Variants in NBL1 observed in about 807,000 individuals in gnomAD.
NBL1 encodes the protein NBL1, DAN family BMP antagonist, also known as neuroblastoma suppressor of tumorigenicity 1.
A neutral mutation model predicts 16.0 loss-of-function variants in NBL1; 9 were observed. That is an observed-to-expected ratio of 0.56 (90% confidence interval 0.34 to 0.98). The LOEUF is 0.98. NBL1 is among the 50% of genes least tolerant of loss of function. The pLI is 0.02. For missense variants in NBL1, 196 were observed against 243.1 expected (o/e 0.81, Z 1.29); for synonymous variants, 86 against 100.7 (o/e 0.85, Z 0.87).
intron 1 of NBL1, among the ~76,000 whole-genome samples, chr1:19,650,143 G>A (rs555043458): frequency 6.6e-6 from 1 of 152,242 alleles, no homozygotes; most frequent in South Asian, 2.1e-4. Context: ...GTCACATGTG[G>A]TCCAGATTTG....
In NBL1 at chr1:19,657,377, G is replaced by GGA. The variant is rs1464602634; in HGVS notation, c.*249_*250insAG. ...TCTTCAGGGCTCTTTTTTTGGGGGG[G>GGA]GTGGTCTCTTCCTGTCTGGCTTCTA... On this transcript the variant is annotated 3_prime_UTR_variant, in exon 4 of 4. Transcript: ENST00000375136. 1 of 265,570 alleles carries GGA rather than the reference G, an allele frequency of 3.8e-6. No homozygotes were observed. The highest frequency in any genetic ancestry group is 7.1e-6 in the Non-Finnish European group (1 of 141,380). The allele number at this position is 265,570 out of a possible 1,614,324, so 16.5% of individuals were successfully genotyped here. A position where few individuals can be genotyped will look rare whatever the true frequency, so the allele number is the denominator to read the frequency against.
Position 19,655,207 on chromosome 1 carries a change from C to T in NBL1, c.170+7C>T. On this transcript the variant is annotated splice_region_variant and intron_variant, in intron 2 of 3. Transcript: ENST00000375136. ...CCAAGTCCATCCAGAACAGGTGGGA[C>T]CCAAGGGGTGGGTGGGGGGATGCGG... 1 of 1,604,694 alleles carries T rather than the reference C, an allele frequency of 6.2e-7. No individual in the cohort carries two copies. Among genetic ancestry groups the T allele is most frequent in the Non-Finnish European group, 8.5e-7 (1 of 1,175,054 alleles).
At chr1:19,646,902 C>A (rs1388139905) in intron 1 of NBL1, among the ~76,000 whole-genome samples, 1 of 152,224 alleles carries the variant, frequency 6.6e-6, no homozygotes, top group African/African-American at 2.4e-5. Flanking sequence ...TCCAGTTTCA[C>A]TGGGGCAGAT....
Position 19,644,326 on chromosome 1 carries a change from C to A in NBL1, c.-140C>A, listed in dbSNP as rs2094964302. 1.0e-6 allele frequency: 1 copy of A among 979,182 alleles called. No homozygotes were observed. The highest frequency in any genetic ancestry group is 1.8e-5 in the African/African-American group (1 of 56,586). 60.7% of individuals were successfully genotyped at this position (979,182 alleles called of 1,614,324 possible). ...GCCCGGGGCCGCAGACAGCGCGCAG[C>A]GCAGCCCAGCCGAGCGTCGCGGGGC... is the stretch of plus-strand genomic sequence containing the variant. On this transcript the variant is annotated 5_prime_UTR_variant, in exon 1 of 4. Transcript: ENST00000375136. This position sits in a 1 kb window ranked among gnomAD's most constrained non-coding sequence, Gnocchi z 4.6.
At chr1:19,647,352 A>G (rs1452695204) in intron 1 of NBL1, among the ~76,000 whole-genome samples, 1 of 152,176 alleles carries the variant, frequency 6.6e-6, no homozygotes, top group African/African-American at 2.4e-5. Flanking sequence ...CTTGAGCCCC[A>G]GAGTTTGAGG....
At chr1:19,644,049 G>C (rs2094962179), upstream of NBL1, 1 of 979,748 alleles carries the variant, frequency 1.0e-6, no homozygotes, top group Admixed American at 6.2e-5. This position sits in a 1 kb window ranked among gnomAD's most constrained non-coding sequence, Gnocchi z 4.6. Context: ...CCTGCCTCTC[G>C]GGCGCCGGCC....
chr1:19,645,836 G>A (rs79540600), intron 1 of NBL1: 118,965 of 1,488,500 alleles, frequency 0.08, 5,240 homozygotes, highest in Non-Finnish European at 0.086. Flanking sequence ...TTATTTTAAA[G>A]TGAAATTTCA....
At position 19,655,204 on chromosome 1, in the gene NBL1, G is replaced by A; in HGVS notation, c.170+4G>A. The A allele has an allele frequency of 6.2e-7, 1 of 1,604,832 alleles. No individual in the cohort carries two copies. The highest frequency in any genetic ancestry group is 8.5e-7 in the Non-Finnish European group (1 of 1,175,080). ...AGGCCAAGTCCATCCAGAACAGGTGGGACCCAAGGGGTGGGTGGGGGGATG... is the reference window on the plus strand; with the variant it reads ...AGGCCAAGTCCATCCAGAACAGGTGAGACCCAAGGGGTGGGTGGGGGGATG... On this transcript the variant is annotated splice_donor_region_variant and intron_variant, in intron 2 of 3. Coordinates refer to ENST00000375136, the MANE Select transcript of NBL1 (RefSeq NM_005380.8).
intron 1 of NBL1, among the ~76,000 whole-genome samples, chr1:19,651,832 T>G (rs2095027357): frequency 6.6e-6 from 1 of 152,186 alleles, no homozygotes; most frequent in Admixed American, 6.5e-5. Context: ...ATAGCTGGAC[T>G]ACAGGTGCAC....
chr1:19,655,324 G>C lies in NBL1; in HGVS notation c.171G>C (p.Arg57Ser). The C allele has an allele frequency of 6.2e-6, 10 of 1,613,950 alleles. No individual in the cohort carries two copies. Among genetic ancestry groups the C allele is most frequent in the Non-Finnish European group, 8.5e-6 (10 of 1,179,886 alleles). The change falls in exon 3 of 4, where the codon AGG becomes AGC. Residue 57 changes from arginine to serine, a missense_variant and splice_region_variant. Arg to Ser is a moderately radical substitution (Grantham distance 110, BLOSUM62 -1). Coordinates refer to ENST00000375136, the MANE Select transcript of NBL1 (RefSeq NM_005380.8). ...GGCATGGTGACCTCTCCTCCCACAG[G>C]GCGTGCCTAGGACAGTGCTTCAGCT... ...SGCEAKSIQN[R>S]ACLGQCFSYS...
intron 1 of NBL1, among the ~76,000 whole-genome samples, chr1:19,648,584 GC>G (rs906046713): frequency 9.8e-5 from 15 of 152,340 alleles, no homozygotes; most frequent in Middle Eastern, 3.4e-3. Flanking sequence ...TTTGTTCCCT[GC>G]CCTCTTCCCC....
intron 1 of NBL1, among the ~76,000 whole-genome samples, chr1:19,650,727 G>A (rs1038968101): frequency 1.1e-4 from 16 of 151,252 alleles, no homozygotes; most frequent in East Asian, 1.9e-4. Context: ...AGGAAAGTAC[G>A]ATCGCTGCTT....
chr1:19,650,750 T>A lies in NBL1; in HGVS notation c.-19-4262T>A, dbSNP rs569003417. 4.6e-4 allele frequency among the ~76,000 whole-genome samples: 66 copies of A among 144,578 alleles called. 1 individual carries two copies. Among genetic ancestry groups the A allele is most frequent in the African/African-American group, 1.3e-3 (52 of 38,964 alleles). 94.8% of individuals were successfully genotyped at this position (144,578 alleles called of 152,430 possible). The stretch of plus-strand genomic sequence containing the variant: ...ACGATCGCTGCTTAAAAAAAAAAAA[T>A]AGATTAGTTGCTGCTTGAAAAAACA... On this transcript the variant is annotated intron_variant, in intron 1 of 3. Transcript: ENST00000375136.
intron 1 of NBL1, among the ~76,000 whole-genome samples, 162 bp from the exon 2 acceptor site, chr1:19,654,850 G>A (rs771640148): frequency 7.9e-5 from 12 of 152,234 alleles, no homozygotes; most frequent in Non-Finnish European, 1.6e-4. Flanking sequence ...CCAATTGTGA[G>A]ATTCAGAGGG....
At position 19,658,220 on chromosome 1, in the gene NBL1, G is replaced by C. The variant is rs1204986015; in HGVS notation, c.*1091G>C. Reference sequence around the variant, plus strand: ...CCCAGCTGCACTTTAACCCTAGAAGGTGGGGACCTGGGGGGAGGGACAGGG... The same window carrying C: ...CCCAGCTGCACTTTAACCCTAGAAGCTGGGGACCTGGGGGGAGGGACAGGG... On this transcript the variant is annotated 3_prime_UTR_variant, in exon 4 of 4. Transcript: ENST00000375136. 2.6e-5 allele frequency: 4 copies of C among 152,852 alleles called. No individual in the cohort carries two copies. The highest frequency in any genetic ancestry group is 5.9e-5 in the Non-Finnish European group (4 of 68,224). The allele number at this position is 152,852 out of a possible 1,614,324, so 9.5% of individuals were successfully genotyped here.
upstream of NBL1, chr1:19,643,402 C>A: frequency 6.2e-7 from 1 of 1,613,568 alleles, no homozygotes; most frequent in South Asian, 1.1e-5. The surrounding 1 kb of genome is among the most constrained non-coding windows in gnomAD (Gnocchi z 4.7). Context: ...ACACAGGTAA[C>A]TATGCTGTAA....
chr1:19,648,507 G>A (rs1246193285), intron 1 of NBL1, among the ~76,000 whole-genome samples: 1 of 152,224 alleles, frequency 6.6e-6, no homozygotes, highest in Non-Finnish European at 1.5e-5. Flanking sequence ...TGACCCCGGA[G>A]CTGGCCTTCC....
intron 1 of NBL1, 90 bp from the exon 2 acceptor site, chr1:19,654,922 G>T: frequency 6.9e-7 from 1 of 1,440,692 alleles, no homozygotes; most frequent in African/African-American, 1.4e-5. Context: ...GTTGCGCCAA[G>T]GAGTCGGATG....
intron 1 of NBL1, 54 bp from the exon 2 acceptor site, chr1:19,654,958 A>G (rs3828101): frequency 0.48 from 721,381 of 1,497,300 alleles, 177,708 homozygotes; most frequent in African/African-American, 0.59. Context: ...TAACACCACT[A>G]CCCGGCCCCC....
Sources: allele counts gnomAD v4.1 joint callset (sites outside exome capture counted in the v4.1 genomes callset), GRCh38; gene constraint gnomAD v4.1.1; non-coding constraint Gnocchi (gnomAD v3.1); transcripts MANE v1.5; gene names NCBI Gene and HGNC (gene_info 2026-07-23, HGNC 2026-07-21).